PSMD3: variants seen among roughly 807,000 people sequenced by gnomAD.
PSMD3 encodes the protein 26S proteasome non-ATPase regulatory subunit 3.
PSMD3 carries 5 observed loss-of-function variants against 62.8 expected under a neutral mutation model. That is an observed-to-expected ratio of 0.08 (90% CI 0.04 to 0.17). The LOEUF is 0.17. Among genes scored for constraint, PSMD3 ranks in the 10% least tolerant of loss-of-function variants. PSMD3 has a pLI of 1.00. For synonymous variants in PSMD3, 265 were observed against 283.9 expected, an observed-to-expected ratio of 0.93 and a Z score of 0.67; for missense variants, 524 against 713.6, an observed-to-expected ratio of 0.73 and a Z score of 3.03.
Position 39,996,152 on chromosome 17 carries a change from C to T in PSMD3, c.1321-31C>T. 9.3e-6 allele frequency: 15 copies of T among 1,610,650 alleles called. No individual in the cohort carries two copies. The highest frequency in any genetic ancestry group is 1.3e-5 in the Non-Finnish European group (15 of 1,178,670). Reference sequence around the variant, plus strand: ...AAAAAAAAAGAAGAAGCTGGGTGTGCTGGTGAACTTTCCTCTTTGGGGGCC... The same window carrying T: ...AAAAAAAAAGAAGAAGCTGGGTGTGTTGGTGAACTTTCCTCTTTGGGGGCC... On this transcript the variant is annotated intron_variant, in intron 9 of 11. Coordinates refer to ENST00000264639, the MANE Select transcript of PSMD3 (RefSeq NM_002809.4). This position sits in a 1 kb window ranked among gnomAD's most constrained non-coding sequence, Gnocchi z 5.1.
At chr17:39,985,683 C>T (rs536505313) in intron 2 of PSMD3, among the ~76,000 whole-genome samples, 10 of 152,346 alleles carry the variant, frequency 6.6e-5, no homozygotes, top group African/African-American at 2.2e-4. Flanking sequence ...AGGGGAAAAG[C>T]GTACTGTTCC....
At position 39,995,413 on chromosome 17, in the gene PSMD3, T is replaced by A; in HGVS notation, c.1217-11T>A. On this transcript the variant is annotated splice_polypyrimidine_tract_variant and intron_variant, in intron 8 of 11. Coordinates refer to ENST00000264639, the MANE Select transcript of PSMD3 (RefSeq NM_002809.4). The surrounding 1 kb of genome is among the most constrained non-coding windows in gnomAD (Gnocchi z 4.1). ...CCACTCTGCCCACCCCATCGCTCCT[T>A]CCTCTCCCAGGTGTACGCATGATCA... 4 of 1,613,380 alleles carry A rather than the reference T, an allele frequency of 2.5e-6. No individual in the cohort carries two copies. Among genetic ancestry groups the A allele is most frequent in the Non-Finnish European group, 3.4e-6 (4 of 1,179,292 alleles).
chr17:39,997,542 C>T lies in PSMD3; in HGVS notation c.1566C>T (p.Ala522=), dbSNP rs1444606162. The change falls in exon 12 of 12, where the codon GCC becomes GCT. Residue 522 remains alanine (A), a synonymous_variant. Transcript: ENST00000264639. Reference sequence around the variant, plus strand: ...GAGAACAGCAGGACTTGGAGTTTGCCAAGGAGATGGCAGAAGATGATGATG... The same window carrying T: ...GAGAACAGCAGGACTTGGAGTTTGCTAAGGAGATGGCAGAAGATGATGATG... ...REREQQDLEF[A]KEMAEDDDDS... is the part of the protein sequence containing the mutation. The T allele has an allele frequency of 6.3e-7, 1 of 1,586,364 alleles. No individual in the cohort carries two copies. The highest frequency in any genetic ancestry group is 2.3e-5 in the East Asian group (1 of 43,288).
intron 6 of PSMD3, among the ~76,000 whole-genome samples, chr17:39,991,942 T>C (rs1980663454): frequency 6.7e-6 from 1 of 150,158 alleles, no homozygotes; most frequent in Non-Finnish European, 1.5e-5. Context: ...CAAGGATCAC[T>C]TGGGCCCAGG....
At position 39,995,960 on chromosome 17, in the gene PSMD3, A is replaced by G; in HGVS notation, c.1321-223A>G. 1.8e-6 allele frequency: 1 copy of G among 562,404 alleles called. No homozygotes were observed. Among genetic ancestry groups the G allele is most frequent in the Non-Finnish European group, 3.1e-6 (1 of 321,558 alleles). 34.8% of individuals were successfully genotyped at this position (562,404 alleles called of 1,614,324 possible). On this transcript the variant is annotated intron_variant, in intron 9 of 11. Coordinates refer to ENST00000264639, the MANE Select transcript of PSMD3 (RefSeq NM_002809.4). This position sits in a 1 kb window ranked among gnomAD's most constrained non-coding sequence, Gnocchi z 4.1. ...TTGGCGAAACCCCATCTCTACTGAA[A>G]ATACAAAAATTAGCCAGGCCTGGTG...
At position 39,995,120 on chromosome 17, in the gene PSMD3, C is replaced by G. The variant is rs771605493; in HGVS notation, c.1096+52C>G. 6.2e-7 allele frequency: 1 copy of G among 1,613,918 alleles called. No homozygotes were observed. Among genetic ancestry groups the G allele is most frequent in the Admixed American group, 1.7e-5 (1 of 60,002 alleles). On this transcript the variant is annotated intron_variant, in intron 7 of 11. Transcript: ENST00000264639. This position sits in a 1 kb window ranked among gnomAD's most constrained non-coding sequence, Gnocchi z 4.1. ...CCCACTAGGCCCCCTTCAGTGGGGC[C>G]TCTTACATGCCTGTGCCTATTTGCA...
intron 6 of PSMD3, among the ~76,000 whole-genome samples, chr17:39,992,305 C>T (rs191417593): frequency 1.9e-4 from 29 of 152,156 alleles, no homozygotes; most frequent in Admixed American, 3.9e-4. Context: ...GGTGAGGGAG[C>T]GCAGGGAGAG....
intron 2 of PSMD3, among the ~76,000 whole-genome samples, chr17:39,984,909 T>C (rs1246310457): frequency 1.3e-5 from 2 of 151,126 alleles, no homozygotes; most frequent in Admixed American, 6.6e-5. Context: ...CCCAGCACTT[T>C]GGGAGGCTGA....
intron 6 of PSMD3, among the ~76,000 whole-genome samples, chr17:39,992,220 T>C (rs1053629502): frequency 1.3e-5 from 2 of 152,118 alleles, no homozygotes; most frequent in Non-Finnish European, 2.9e-5. Context: ...TCATGTACCA[T>C]GAGAGAGGCT....
At chr17:39,994,360 C>A (rs3859187) in intron 6 of PSMD3, 85,889 of 153,100 alleles carry the variant, frequency 0.56, 24,379 homozygotes, top group Middle Eastern at 0.74. Context: ...GCGATGCTGA[C>A]TCCACCCACG....
chr17:39,983,251 T>C (rs1598311088), intron 1 of PSMD3, among the ~76,000 whole-genome samples: 2 of 152,286 alleles, frequency 1.3e-5, no homozygotes, highest in Admixed American at 1.3e-4. Flanking sequence ...CAGGCTGGTC[T>C]CCAACTGCTA....
chr17:39,990,627 A>G (rs1980633321), intron 6 of PSMD3, among the ~76,000 whole-genome samples: 1 of 152,162 alleles, frequency 6.6e-6, no homozygotes, highest in Non-Finnish European at 1.5e-5. Context: ...TGTGGGTGTC[A>G]ATGAAGCAGA....
rs762550627 is a variant in PSMD3 at position 39,997,495 on chromosome 17, T to C, written c.1528-9T>C. Reference sequence around the variant, plus strand: ...CTGAAGCTTTGGCCTCACTTGCCTCTCTCCCCAGGAACGGCGTGAGCGAGA... The same window carrying C: ...CTGAAGCTTTGGCCTCACTTGCCTCCCTCCCCAGGAACGGCGTGAGCGAGA... On this transcript the variant is annotated splice_polypyrimidine_tract_variant and intron_variant, in intron 11 of 11. Transcript: ENST00000264639. The C allele has an allele frequency of 1.9e-6, 3 of 1,613,960 alleles. No individual in the cohort carries two copies. Among genetic ancestry groups the C allele is most frequent in the East Asian group, 2.2e-5 (1 of 44,900 alleles).
Position 39,989,911 on chromosome 17 carries a change from A to G in PSMD3, c.859A>G (p.Arg287Gly). 1 of 1,613,968 alleles carries G rather than the reference A, an allele frequency of 6.2e-7. No individual in the cohort carries two copies. Among genetic ancestry groups the G allele is most frequent in the Non-Finnish European group, 8.5e-7 (1 of 1,179,920 alleles). The change falls in exon 5 of 12, where the codon AGG becomes GGG. Residue 287 changes from arginine to glycine, a missense_variant. By Grantham distance (125) the Arg-to-Gly change is moderately radical (BLOSUM62 -2). Around this residue, in one of 4 missense-constraint regions of PSMD3, gnomAD observed 396 missense variants for 475.8 expected, o/e 0.83. Transcript: ENST00000264639. ...PEQANNNEWARYLYYTGRIKA... is the reference protein window; with the variant it reads ...PEQANNNEWAGYLYYTGRIKA... ...GCAGGCCAACAACAATGAGTGGGCC[A>G]GGTACCTCTACTACACAGGTGAGCA...
At chr17:39,984,767 C>G (rs561547293) in intron 2 of PSMD3, among the ~76,000 whole-genome samples, 2 of 152,244 alleles carry the variant, frequency 1.3e-5, no homozygotes, top group South Asian at 2.1e-4. Context: ...GTTGGGTGAC[C>G]TCTCTGTTGT....
At chr17:39,992,147 G>A (rs1262771152) in intron 6 of PSMD3, among the ~76,000 whole-genome samples, 2 of 152,066 alleles carry the variant, frequency 1.3e-5, no homozygotes, top group Non-Finnish European at 2.9e-5. Context: ...TACAATATGA[G>A]AGACACTAAA....
chr17:39,992,846 C>T (rs1290439350), intron 6 of PSMD3, among the ~76,000 whole-genome samples: 1 of 152,170 alleles, frequency 6.6e-6, no homozygotes, highest in Non-Finnish European at 1.5e-5. Flanking sequence ...AGTGTTCTCT[C>T]TGCTCCTTCT....
At chr17:39,991,594 T>G (rs1257271028) in intron 6 of PSMD3, among the ~76,000 whole-genome samples, 1 of 152,222 alleles carries the variant, frequency 6.6e-6, no homozygotes, top group Non-Finnish European at 1.5e-5. Flanking sequence ...TGCTCCTACC[T>G]TCACACAACA....
At chr17:39,985,458 G>C (rs1292821937) in intron 2 of PSMD3, among the ~76,000 whole-genome samples, 1 of 152,218 alleles carries the variant, frequency 6.6e-6, no homozygotes, top group Non-Finnish European at 1.5e-5. Flanking sequence ...GGTGGTGGTG[G>C]CGCCTCCGTG....
Sources: allele counts gnomAD v4.1 joint callset (sites outside exome capture counted in the v4.1 genomes callset), GRCh38; gene constraint gnomAD v4.1.1; regional missense constraint gnomAD v4.1.1; non-coding constraint Gnocchi (gnomAD v3.1); transcripts MANE v1.5; gene names NCBI Gene and HGNC (gene_info 2026-07-23, HGNC 2026-07-21).